R3HDM2: variants seen among roughly 807,000 people sequenced by gnomAD.
R3HDM2 encodes the protein R3H domain containing 2.
A neutral mutation model predicts 124.5 loss-of-function variants in R3HDM2; 38 were observed. The observed-to-expected ratio is 0.31, with a 90% CI of 0.24 to 0.40. R3HDM2 has a LOEUF of 0.40. Among genes scored for constraint, R3HDM2 ranks in the 10% least tolerant of loss-of-function variants. The pLI is 1.00. For missense variants in R3HDM2, 869 were observed against 1,236.9 expected, an observed-to-expected ratio of 0.70 and a Z score of 4.46; for synonymous variants, 391 against 448.0, an observed-to-expected ratio of 0.87 and a Z score of 1.61.
intron 2 of R3HDM2, among the ~76,000 whole-genome samples, chr12:57,324,462 C>T (rs551485048): frequency 2.0e-5 from 3 of 152,160 alleles, no homozygotes; most frequent in Admixed American, 6.5e-5. Context: ...GGATTACAGG[C>T]GTAAGCCACT....
chr12:57,305,613 G>A, intron 3 of R3HDM2: 1 of 398,944 alleles, frequency 2.5e-6, no homozygotes, highest in Non-Finnish European at 4.4e-6. Flanking sequence ...CTAGCTACTG[G>A]AGGATATGGA....
At chr12:57,268,891 G>C in intron 17 of R3HDM2, 31 bp downstream of exon 17, 2 of 1,607,872 alleles carry the variant, frequency 1.2e-6, no homozygotes, top group Non-Finnish European at 1.7e-6. Context: ...CAAGGACTGG[G>C]GTGATCCTTC....
rs1312705620 is a variant in R3HDM2 at position 57,254,794 on chromosome 12, C to T, written c.2952G>A (p.Leu984=). 1.3e-6 allele frequency: 2 copies of T among 1,581,920 alleles called. No individual in the cohort carries two copies. The highest frequency in any genetic ancestry group is 1.2e-5 in the South Asian group (1 of 86,886). The change falls in exon 24 of 24, where the codon CTG becomes CTA. Residue 984 remains leucine (L), a synonymous_variant. Transcript: ENST00000402412. The part of the protein sequence containing the change: ...MAKKNYDLRI[L]ERASSQ ...CCATTTATTGGGAGCTGGCTCGCTC[C>T]AGGATCCTCAGGTCATAGTTCTTTT...
At chr12:57,259,179 C>T (rs540434003) in intron 19 of R3HDM2, 120 bp from the exon 20 acceptor site, 109 of 1,052,652 alleles carry the variant, frequency 1.0e-4, no homozygotes, top group Non-Finnish European at 1.4e-4. Context: ...ACTCAAGCTA[C>T]GTCTTGCCAG....
chr12:57,288,490 T>C (rs1194824324), intron 12 of R3HDM2, among the ~76,000 whole-genome samples: 5 of 152,230 alleles, frequency 3.3e-5, no homozygotes, highest in Non-Finnish European at 7.4e-5. Flanking sequence ...ATCTTTTCCA[T>C]AGATTCAGAA....
chr12:57,425,605 G>C (rs921746787), intron 1 of R3HDM2, among the ~76,000 whole-genome samples: 96 of 152,132 alleles, frequency 6.3e-4, no homozygotes, highest in Non-Finnish European at 1.0e-3. Context: ...TCCAAGACCA[G>C]CCTGGCCAAC....
At chr12:57,403,450 C>A (rs980910945) in intron 1 of R3HDM2, among the ~76,000 whole-genome samples, 5 of 151,690 alleles carry the variant, frequency 3.3e-5, no homozygotes, top group African/African-American at 1.2e-4. Context: ...CGAGATCACA[C>A]CATTGCACTC....
intron 14 of R3HDM2, among the ~76,000 whole-genome samples, chr12:57,279,088 G>A (rs377503488): frequency 1.3e-4 from 20 of 151,688 alleles, no homozygotes; most frequent in African/African-American, 4.3e-4. Flanking sequence ...TCAGGATAAA[G>A]TATGGGGCTC....
chr12:57,406,355 A>C (rs1279100187), intron 1 of R3HDM2, among the ~76,000 whole-genome samples: 1 of 152,012 alleles, frequency 6.6e-6, no homozygotes, highest in Non-Finnish European at 1.5e-5. Context: ...AATTGGCTTA[A>C]ACACATTAAA....
At chr12:57,351,250 G>C (rs1045958295) in intron 2 of R3HDM2, among the ~76,000 whole-genome samples, 1 of 152,194 alleles carries the variant, frequency 6.6e-6, no homozygotes, top group African/African-American at 2.4e-5. Flanking sequence ...CTAGGCGACA[G>C]AGCAAGATCC....
intron 2 of R3HDM2, among the ~76,000 whole-genome samples, chr12:57,384,446 G>A (rs1038559113): frequency 6.6e-6 from 1 of 152,000 alleles, no homozygotes; most frequent in Non-Finnish European, 1.5e-5. Flanking sequence ...ATCTCTCTCA[G>A]TTTCCTCATC....
At chr12:57,321,999 G>A (rs997213730) in intron 2 of R3HDM2, among the ~76,000 whole-genome samples, 1 of 152,206 alleles carries the variant, frequency 6.6e-6, no homozygotes, top group Non-Finnish European at 1.5e-5. Context: ...GGAGGCCAAG[G>A]TGGGCGGATC....
chr12:57,363,909 C>T (rs2062267949), intron 2 of R3HDM2, among the ~76,000 whole-genome samples: 1 of 151,480 alleles, frequency 6.6e-6, no homozygotes, highest in Non-Finnish European at 1.5e-5. Context: ...TATTTTCTCC[C>T]AATTCCCAGC....
intron 2 of R3HDM2, among the ~76,000 whole-genome samples, chr12:57,345,681 C>T (rs1415703854): frequency 6.6e-6 from 1 of 152,136 alleles, no homozygotes; most frequent in Admixed American, 6.5e-5. Flanking sequence ...GCTGGGACTA[C>T]AGGCATGTGC....
intron 2 of R3HDM2, among the ~76,000 whole-genome samples, chr12:57,368,821 G>A (rs1355523231): frequency 6.6e-6 from 1 of 152,074 alleles, no homozygotes; most frequent in African/African-American, 2.4e-5. Flanking sequence ...AGTTCTGTGA[G>A]TCGTTCTAGT....
intron 1 of R3HDM2, among the ~76,000 whole-genome samples, chr12:57,409,690 C>A (rs1353730473): frequency 3.6e-5 from 5 of 137,688 alleles, no homozygotes; most frequent in African/African-American, 1.3e-4. Context: ...GCCCCTTTAT[C>A]CCTTTTGTAA....
Position 57,254,934 on chromosome 12 carries a change from A to C in R3HDM2, c.2812T>G (p.Ser938Ala). ...ATGGTGTACAAGGCAGCGAGGTCCGAGTGGCGGCCATTCTCAGCAGTCCCA... is the reference window on the plus strand; with the variant it reads ...ATGGTGTACAAGGCAGCGAGGTCCGCGTGGCGGCCATTCTCAGCAGTCCCA... ...NSGTAENGRH[S>A]DLAALYTIVA... Residue 938 changes from serine to alanine, a missense_variant, in exon 24 of 24, where the codon TCG becomes GCG. By Grantham distance (99) the Ser-to-Ala change is moderately conservative. Transcript: ENST00000402412. 1 of 1,614,096 alleles carries C rather than the reference A, an allele frequency of 6.2e-7. No individual in the cohort carries two copies. Among genetic ancestry groups the C allele is most frequent in the South Asian group, 1.1e-5 (1 of 91,060 alleles).
At chr12:57,358,439 C>G (rs2061532396) in intron 2 of R3HDM2, among the ~76,000 whole-genome samples, 1 of 151,982 alleles carries the variant, frequency 6.6e-6, no homozygotes, top group Non-Finnish European at 1.5e-5. Flanking sequence ...GAGTTTGACA[C>G]CAGGCTGGCC....
At chr12:57,302,937 G>GC (rs1190353385) in intron 4 of R3HDM2, among the ~76,000 whole-genome samples, 7 of 152,318 alleles carry the variant, frequency 4.6e-5, no homozygotes, top group Non-Finnish European at 8.8e-5. Flanking sequence ...CAGCTGGGTA[G>GC]CCTTTCAGGC....
Sources: allele counts gnomAD v4.1 joint callset (sites outside exome capture counted in the v4.1 genomes callset), GRCh38; gene constraint gnomAD v4.1.1; transcripts MANE v1.5; gene names NCBI Gene and HGNC (gene_info 2026-07-23, HGNC 2026-07-21).